The following DLGAP1 variants were observed in gnomAD, a reference collection of about 807,000 sequenced individuals.
The protein encoded by DLGAP1 is disks large-associated protein 1.
In DLGAP1, 11 loss-of-function variants were observed where a neutral mutation model predicts 90.8. The observed-to-expected ratio is 0.12, with a 90% CI of 0.08 to 0.20. The LOEUF is 0.20. Among genes scored for constraint, DLGAP1 ranks in the 10% least tolerant of loss-of-function variants. DLGAP1 has a pLI of 1.00. For missense variants in DLGAP1, 1,050 were observed against 1,333.8 expected (o/e 0.79, Z 3.31); for synonymous variants, 558 against 540.7 (o/e 1.03, Z -0.44).
At chr18:4,235,361 A>G (rs945688607) in intron 1 of DLGAP1, among the ~76,000 whole-genome samples, 94 of 152,126 alleles carry the variant, frequency 6.2e-4, no homozygotes, top group Admixed American at 6.2e-3. Flanking sequence ...CTCCCCTCAA[A>G]TGTGAGGGGT....
chr18:3,874,400 T>A, intron 4 of DLGAP1: 1 of 1,447,854 alleles, frequency 6.9e-7, no homozygotes, highest in Non-Finnish European at 9.1e-7. Context: ...TTGAAGGGAT[T>A]TTTCTTTTAG....
intron 2 of DLGAP1, among the ~76,000 whole-genome samples, chr18:4,137,114 T>G (rs1012965712): frequency 2.0e-5 from 3 of 152,070 alleles, no homozygotes; most frequent in African/African-American, 7.2e-5. Flanking sequence ...TGTGTTCTCA[T>G]TGTTGAATTC....
intron 3 of DLGAP1, among the ~76,000 whole-genome samples, chr18:3,940,182 G>A (rs972178047): frequency 6.6e-6 from 1 of 152,152 alleles, no homozygotes; most frequent in Non-Finnish European, 1.5e-5. Context: ...AGGAACTAAG[G>A]CCTCCTGCAA....
At chr18:3,944,363 G>T (rs2072833910) in intron 3 of DLGAP1, among the ~76,000 whole-genome samples, 1 of 152,194 alleles carries the variant, frequency 6.6e-6, no homozygotes, top group Non-Finnish European at 1.5e-5. Context: ...GGGCATGGTG[G>T]TGCGTGCCTG....
intron 1 of DLGAP1, among the ~76,000 whole-genome samples, chr18:4,297,256 C>T (rs145977501): frequency 6.6e-6 from 1 of 152,074 alleles, no homozygotes; most frequent in East Asian, 1.9e-4. Flanking sequence ...AGAAGGGAGT[C>T]CCATAAAGGT....
At chr18:4,108,607 A>C (rs202052533) in intron 2 of DLGAP1, among the ~76,000 whole-genome samples, 76,431 of 151,612 alleles carry the variant, frequency 0.5, 20,356 homozygotes, top group African/African-American at 0.68. Context: ...ATTAGCTAAT[A>C]AATTATTTGT....
chr18:3,804,101 C>G (rs1196548357), intron 5 of DLGAP1, among the ~76,000 whole-genome samples: 1 of 151,406 alleles, frequency 6.6e-6, no homozygotes, highest in Non-Finnish European at 1.5e-5. Flanking sequence ...TCAAGTGACT[C>G]AGCCTCCTGA....
chr18:4,400,737 T>C (rs2082537369), intron 1 of DLGAP1, among the ~76,000 whole-genome samples: 4 of 152,250 alleles, frequency 2.6e-5, no homozygotes, highest in Admixed American at 2.0e-4. Flanking sequence ...CATCATATCA[T>C]GGCTAACTCA....
intron 9 of DLGAP1, among the ~76,000 whole-genome samples, chr18:3,540,336 A>T (rs911686374): frequency 8.6e-5 from 13 of 151,764 alleles, no homozygotes; most frequent in Admixed American, 6.6e-4. Flanking sequence ...ACATGGTGGT[A>T]CGTGGCTATA....
intron 7 of DLGAP1, among the ~76,000 whole-genome samples, chr18:3,720,198 C>T (rs1335493644): frequency 1.3e-5 from 2 of 152,140 alleles, no homozygotes; most frequent in Non-Finnish European, 2.9e-5. Context: ...GACTAGTTAT[C>T]TTCTTCCATA....
At chr18:3,603,738 T>C (rs2057188539) in intron 7 of DLGAP1, 1 of 154,376 alleles carries the variant, frequency 6.5e-6, no homozygotes, top group Admixed American at 6.5e-5. Context: ...GGAATTCCTG[T>C]CTTTCAGGAT....
chr18:3,511,111 C>T (rs921129001), intron 10 of DLGAP1, among the ~76,000 whole-genome samples: 2 of 152,122 alleles, frequency 1.3e-5, no homozygotes, highest in African/African-American at 4.8e-5. Flanking sequence ...AGGAGATGAC[C>T]GTTCCTAGGC....
intron 3 of DLGAP1, among the ~76,000 whole-genome samples, chr18:3,884,355 A>G (rs117972390): frequency 1.3e-5 from 2 of 152,218 alleles, no homozygotes; most frequent in Non-Finnish European, 2.9e-5. Flanking sequence ...TTATGATCAC[A>G]TATAGTAGAA....
intron 1 of DLGAP1, among the ~76,000 whole-genome samples, chr18:4,425,478 A>G (rs2083132176): frequency 6.6e-6 from 1 of 152,216 alleles, no homozygotes; most frequent in Admixed American, 6.5e-5. Context: ...AAACCTGCAA[A>G]TGGAACTGAA....
intron 2 of DLGAP1, among the ~76,000 whole-genome samples, chr18:4,096,182 C>G (rs770477763): frequency 3.3e-5 from 5 of 152,076 alleles, no homozygotes; most frequent in Non-Finnish European, 7.4e-5. Context: ...TGTGCCACTA[C>G]GCTTGGCTAT....
intron 1 of DLGAP1, among the ~76,000 whole-genome samples, chr18:4,443,133 T>C (rs556626206): frequency 6.4e-4 from 97 of 152,366 alleles, no homozygotes; most frequent in African/African-American, 2.3e-3. Context: ...TGAAATCTGA[T>C]TTATAAATAG....
At chr18:4,185,315 T>TA (rs1017447133) in intron 1 of DLGAP1, among the ~76,000 whole-genome samples, 6 of 151,994 alleles carry the variant, frequency 3.9e-5, no homozygotes, top group African/African-American at 1.4e-4. Context: ...GCAGGTTTCT[T>TA]ACGTAGGTAA....
At chr18:3,596,881 C>A (rs1232133525) in intron 7 of DLGAP1, 2 of 519,962 alleles carry the variant, frequency 3.8e-6, no homozygotes, top group Non-Finnish European at 7.7e-6. Flanking sequence ...TGATGTTGGC[C>A]AATGCCGCCA....
At chr18:4,339,000 A>T (rs2081132389) in intron 1 of DLGAP1, among the ~76,000 whole-genome samples, 1 of 152,178 alleles carries the variant, frequency 6.6e-6, no homozygotes, top group African/African-American at 2.4e-5. Flanking sequence ...ACTGATGGGG[A>T]CAAAATAGTC....
Sources: allele counts gnomAD v4.1 joint callset (sites outside exome capture counted in the v4.1 genomes callset), GRCh38; gene constraint gnomAD v4.1.1; transcripts MANE v1.5; gene names NCBI Gene and HGNC (gene_info 2026-07-23, HGNC 2026-07-21).